The following OLA1 variants were observed in gnomAD, a reference collection of about 807,000 sequenced individuals.
The protein encoded by OLA1 is Obg like ATPase 1, also known as obg-like ATPase 1.
Under a neutral mutation model 48.4 loss-of-function variants are expected in OLA1, and 14 were observed. The ratio of observed to expected loss-of-function variants is 0.29; its 90% CI spans 0.19 to 0.45. The LOEUF (loss-of-function observed/expected upper bound fraction) is 0.45, where lower values mean the gene tolerates loss of function less well. Among genes scored for constraint, OLA1 ranks in the 20% least tolerant of loss-of-function variants. The pLI is 1.00. For synonymous variants in OLA1, 127 were observed against 150.4 expected, an observed-to-expected ratio of 0.84 and a Z score of 1.14; for missense variants, 325 against 467.1, an observed-to-expected ratio of 0.70 and a Z score of 2.80.
chr2:174,114,924 G>T (rs1487767570), intron 7 of OLA1, among the ~76,000 whole-genome samples: 1 of 152,094 alleles, frequency 6.6e-6, no homozygotes, highest in African/African-American at 2.4e-5. Flanking sequence ...GAGCCAAGGA[G>T]TTCTAGACCA....
intron 4 of OLA1, among the ~76,000 whole-genome samples, chr2:174,203,672 C>T (rs942271486): frequency 3.3e-5 from 5 of 151,940 alleles, no homozygotes; most frequent in Non-Finnish European, 5.9e-5. Flanking sequence ...TCCCCAGCTC[C>T]TCCATTTTAC....
At chr2:174,124,922 C>T (rs951023746) in intron 5 of OLA1, among the ~76,000 whole-genome samples, 3 of 152,104 alleles carry the variant, frequency 2.0e-5, no homozygotes, top group Non-Finnish European at 4.4e-5. Context: ...AGGCAAAGGA[C>T]TTCCCACAGA....
chr2:174,132,447 G>A (rs1039627615), intron 5 of OLA1, among the ~76,000 whole-genome samples: 3 of 151,798 alleles, frequency 2.0e-5, no homozygotes, highest in Middle Eastern at 3.2e-3. Flanking sequence ...TCAGATCACT[G>A]ATTTCACCTT....
chr2:174,083,538 A>G lies in OLA1; in HGVS notation c.729-1474T>C, dbSNP rs1339594815. 2.6e-5 allele frequency among the ~76,000 whole-genome samples: 4 copies of G among 152,138 alleles called. No individual in the cohort carries two copies. In the East Asian group the frequency reaches 7.7e-4, roughly 29 times the overall value. ...TCCTATGATTTATGTTGCCTTTAAC[A>G]TAAAATTCAAACTAGATGTTTTCTT... On this transcript the variant is annotated intron_variant, in intron 7 of 10. Coordinates refer to ENST00000284719, the MANE Select transcript of OLA1 (RefSeq NM_013341.5).
Position 174,072,837 on chromosome 2 carries a change from T to G in OLA1, c.*2589A>C, listed in dbSNP as rs1684632955. 6.6e-6 allele frequency: 1 copy of G among 152,222 alleles called. No individual in the cohort carries two copies. Among genetic ancestry groups the G allele is most frequent in the African/African-American group, 2.4e-5 (1 of 41,458 alleles). 9.4% of individuals were successfully genotyped at this position (152,222 alleles called of 1,614,324 possible). A position where few individuals can be genotyped will look rare whatever the true frequency, so the allele number is the denominator to read the frequency against. ...ACAGAGGCTTCACTCATAACTAAGT[T>G]AGCGACAAAAACTATTTGTGCTTCC... On this transcript the variant is annotated 3_prime_UTR_variant, in exon 11 of 11. Coordinates refer to ENST00000284719, the MANE Select transcript of OLA1 (RefSeq NM_013341.5).
intron 4 of OLA1, among the ~76,000 whole-genome samples, chr2:174,163,705 TAAATAA>T (rs1240032338): frequency 0.11 from 4,712 of 42,130 alleles, 527 homozygotes; most frequent in Non-Finnish European, 0.14. Context: ...ATAAAATAAA[TAAATAA>T]ATATATATAT....
At chr2:174,153,505 G>A (rs891760128) in intron 4 of OLA1, among the ~76,000 whole-genome samples, 2 of 152,110 alleles carry the variant, frequency 1.3e-5, no homozygotes, top group African/African-American at 2.4e-5. Context: ...TAACTGACAA[G>A]AAGCAACACA....
intron 4 of OLA1, among the ~76,000 whole-genome samples, chr2:174,154,905 G>A (rs6756237): frequency 0.11 from 17,462 of 152,072 alleles, 1,534 homozygotes; most frequent in African/African-American, 0.24. Flanking sequence ...TACTATCAAT[G>A]CTTTCATTTC....
chr2:174,139,729 G>A (rs563522871), intron 5 of OLA1, among the ~76,000 whole-genome samples: 1 of 152,140 alleles, frequency 6.6e-6, no homozygotes, highest in Admixed American at 6.5e-5. Flanking sequence ...GCCGGGTGTG[G>A]TGGCATGCAC....
chr2:174,213,237 A>G lies in OLA1; in HGVS notation c.373+9796T>C, dbSNP rs534394005. On this transcript the variant is annotated intron_variant, in intron 4 of 10. Transcript: ENST00000284719. ...CCTACTATACGTTTCTAAACCGGGA[A>G]GAAAACTGTCCCATAGCTCAGAAAG... Among the ~76,000 whole-genome samples the G allele has an allele frequency of 4.8e-3, 725 of 152,340 alleles. 4 individuals carry two copies. Among genetic ancestry groups the G allele is most frequent in the African/African-American group, 0.017 (702 of 41,580 alleles).
intron 10 of OLA1, 45 bp from the exon 11 acceptor site, chr2:174,075,572 T>C: frequency 8.8e-7 from 1 of 1,141,718 alleles, no homozygotes; most frequent in Non-Finnish European, 1.3e-6. Context: ...AGTTTACAAC[T>C]AAATACATGG....
chr2:174,148,357 C>T (rs1393934680), intron 4 of OLA1, among the ~76,000 whole-genome samples: 2 of 152,110 alleles, frequency 1.3e-5, no homozygotes, highest in Admixed American at 6.5e-5. Context: ...CCACTGTACT[C>T]CAGCCGGAGC....
chr2:174,222,994 C>T (rs377524414), intron 4 of OLA1, 39 bp downstream of exon 4: 17 of 1,569,130 alleles, frequency 1.1e-5, no homozygotes, highest in Non-Finnish European at 1.5e-5. Flanking sequence ...AAACACTGAT[C>T]TGAATGAAAT....
chr2:174,210,094 A>T (rs908750353), intron 4 of OLA1, among the ~76,000 whole-genome samples: 6 of 152,106 alleles, frequency 3.9e-5, no homozygotes, highest in Non-Finnish European at 7.4e-5. Context: ...ATTAACAACA[A>T]TTTACATTAA....
At chr2:174,179,496 T>A (rs1054604418) in intron 4 of OLA1, among the ~76,000 whole-genome samples, 2 of 151,988 alleles carry the variant, frequency 1.3e-5, no homozygotes, top group African/African-American at 4.8e-5. Flanking sequence ...AACTCTTCAA[T>A]ATCAACAGTT....
In OLA1 at chr2:174,183,862, T is replaced by C. The variant is rs1687600308; in HGVS notation, c.373+39171A>G. On this transcript the variant is annotated intron_variant, in intron 4 of 10. Transcript: ENST00000284719. Reference sequence around the variant, plus strand: ...CTCTTCTCATTAATACTACCAGAAATGTTCAGGTCTCTAGAGACAGGAATT... The same window carrying C: ...CTCTTCTCATTAATACTACCAGAAACGTTCAGGTCTCTAGAGACAGGAATT... 2.6e-5 allele frequency among the ~76,000 whole-genome samples: 4 copies of C among 152,196 alleles called. 1 individual carries two copies. In the South Asian group the frequency reaches 8.3e-4, roughly 32 times the overall value.
chr2:174,168,199 GA>G (rs984888975), intron 4 of OLA1, among the ~76,000 whole-genome samples: 3 of 152,206 alleles, frequency 2.0e-5, no homozygotes, highest in Non-Finnish European at 4.4e-5. Context: ...AGCGATGGAA[GA>G]ATGCAAAGGG....
intron 7 of OLA1, among the ~76,000 whole-genome samples, chr2:174,116,241 AT>A (rs1418581198): frequency 6.6e-6 from 1 of 152,242 alleles, no homozygotes; most frequent in African/African-American, 2.4e-5. Context: ...AAAAAGCAGA[AT>A]TTTAAAACTG....
At chr2:174,091,594 A>T (rs989441749) in intron 7 of OLA1, among the ~76,000 whole-genome samples, 4 of 152,122 alleles carry the variant, frequency 2.6e-5, no homozygotes, top group Non-Finnish European at 5.9e-5. Context: ...AACATCTTTT[A>T]AAAAATAGCA....
Sources: allele counts gnomAD v4.1 joint callset (sites outside exome capture counted in the v4.1 genomes callset), GRCh38; gene constraint gnomAD v4.1.1; transcripts MANE v1.5; gene names NCBI Gene and HGNC (gene_info 2026-07-23, HGNC 2026-07-21).